Variants in NDUFAF2 observed in about 807,000 individuals in gnomAD.
NDUFAF2 encodes the protein NADH:ubiquinone oxidoreductase complex assembly factor 2, also known as NADH dehydrogenase [ubiquinone] 1 alpha subcomplex assembly factor 2.
Under a neutral mutation model 22.8 loss-of-function variants are expected in NDUFAF2, and 13 were observed. The observed-to-expected ratio is 0.57, with a 90% CI of 0.37 to 0.91. The LOEUF (loss-of-function observed/expected upper bound fraction) is 0.91, where lower values mean the gene tolerates loss of function less well. Among genes scored for constraint, NDUFAF2 ranks in the 40% least tolerant of loss-of-function variants. The pLI is 0.01. For synonymous variants in NDUFAF2, 53 were observed against 64.2 expected (o/e 0.83, Z 0.84); for missense variants, 162 against 195.2 (o/e 0.83, Z 1.01).
At chr5:61,001,329 T>C (rs1404551674) in intron 1 of NDUFAF2, among the ~76,000 whole-genome samples, 2 of 152,152 alleles carry the variant, frequency 1.3e-5, no homozygotes, top group Non-Finnish European at 2.9e-5. Flanking sequence ...TTTGCCTGTG[T>C]TTAAAAATGA....
intron 1 of NDUFAF2, among the ~76,000 whole-genome samples, chr5:61,069,478 C>T (rs943369403): frequency 3.3e-5 from 5 of 152,064 alleles, no homozygotes; most frequent in Non-Finnish European, 7.4e-5. Flanking sequence ...ACACAACTAG[C>T]ACATTAAGTC....
chr5:61,133,462 G>A (rs914883710), intron 3 of NDUFAF2, among the ~76,000 whole-genome samples: 4 of 152,136 alleles, frequency 2.6e-5, no homozygotes, highest in East Asian at 1.9e-4. Flanking sequence ...GTAGTAAACC[G>A]AGTCATTTTA....
chr5:60,972,992 C>G (rs182477826), intron 1 of NDUFAF2, among the ~76,000 whole-genome samples: 14 of 151,332 alleles, frequency 9.3e-5, no homozygotes, highest in Non-Finnish European at 1.9e-4. Context: ...GAGCTTATAC[C>G]CCTTTTCTTT....
chr5:60,964,849 C>T (rs996225520), intron 1 of NDUFAF2, among the ~76,000 whole-genome samples: 4 of 152,162 alleles, frequency 2.6e-5, no homozygotes, highest in Non-Finnish European at 5.9e-5. Flanking sequence ...AACATTTCCC[C>T]AATACCTACC....
chr5:61,034,063 G>T (rs1274665001), intron 1 of NDUFAF2, among the ~76,000 whole-genome samples: 1 of 152,140 alleles, frequency 6.6e-6, no homozygotes, highest in East Asian at 1.9e-4. Context: ...GCCAAGGAAG[G>T]CAGTGCTATA....
chr5:61,107,427 T>G (rs182410), intron 3 of NDUFAF2, among the ~76,000 whole-genome samples: 89,390 of 150,888 alleles, frequency 0.59, 27,859 homozygotes, highest in East Asian at 0.94. Context: ...CATGTTTTAA[T>G]CTGTTCATTA....
chr5:61,146,571 G>T lies in NDUFAF2; in HGVS notation c.259-6133G>T, dbSNP rs75929430. ...AAGTTGTTTCTGATGAGAACTCAGT[G>T]TTATTTCTTATCTTTGTCTTTTGTA... On this transcript the variant is annotated intron_variant, in intron 3 of 3. Coordinates refer to ENST00000296597, the MANE Select transcript of NDUFAF2 (RefSeq NM_174889.5). Among the ~76,000 whole-genome samples the T allele has an allele frequency of 8.6e-3, 1,316 of 152,212 alleles. 22 individuals are homozygous for T. The highest frequency in any genetic ancestry group is 0.03 in the African/African-American group (1,262 of 41,534).
At chr5:60,965,031 G>A (rs1750736399) in intron 1 of NDUFAF2, among the ~76,000 whole-genome samples, 1 of 147,066 alleles carries the variant, frequency 6.8e-6, no homozygotes. Flanking sequence ...CTAGGAAGAG[G>A]TTCCCAAACC....
chr5:61,127,474 G>A (rs2111807490), intron 3 of NDUFAF2, among the ~76,000 whole-genome samples: 1 of 152,202 alleles, frequency 6.6e-6, no homozygotes, highest in South Asian at 2.1e-4. Flanking sequence ...ATGCAAGGCT[G>A]GTTCAACATA....
chr5:61,021,038 A>G (rs1319945071), intron 1 of NDUFAF2, among the ~76,000 whole-genome samples: 2 of 141,054 alleles, frequency 1.4e-5, no homozygotes, highest in East Asian at 4.1e-4. Flanking sequence ...TTCCAAATAT[A>G]TTAGGAAACT....
intron 3 of NDUFAF2, among the ~76,000 whole-genome samples, chr5:61,144,023 T>C (rs1741096130): frequency 6.6e-6 from 1 of 151,412 alleles, no homozygotes; most frequent in Non-Finnish European, 1.5e-5. Context: ...ACCTGCCTTT[T>C]TTCTACCTGG....
chr5:61,060,675 C>T (rs556736245), intron 1 of NDUFAF2, among the ~76,000 whole-genome samples: 11 of 152,220 alleles, frequency 7.2e-5, no homozygotes, highest in Admixed American at 4.6e-4. Flanking sequence ...TCACTCAGCC[C>T]AGCCTCTCTT....
At chr5:60,990,493 A>T (rs1751144068) in intron 1 of NDUFAF2, among the ~76,000 whole-genome samples, 7 of 152,196 alleles carry the variant, frequency 4.6e-5, no homozygotes, top group Admixed American at 4.6e-4. Context: ...AGTAGAATAT[A>T]TAAATGTTAT....
In NDUFAF2 at chr5:61,018,639, T is replaced by G. The variant is rs114459833; in HGVS notation, c.128-54486T>G. ...TATTTATTCAATACCAGTTTACCAC[T>G]TAGAACATGAGATGTATTTATGCAT... On this transcript the variant is annotated intron_variant, in intron 1 of 3. Coordinates refer to ENST00000296597, the MANE Select transcript of NDUFAF2 (RefSeq NM_174889.5). 5.3e-3 allele frequency among the ~76,000 whole-genome samples: 803 copies of G among 152,256 alleles called. 10 individuals carry two copies. The highest frequency in any genetic ancestry group is 0.019 in the African/African-American group (775 of 41,574).
chr5:61,094,226 A>G (rs1256287869), intron 2 of NDUFAF2, among the ~76,000 whole-genome samples: 2 of 152,084 alleles, frequency 1.3e-5, no homozygotes, highest in East Asian at 3.8e-4. Flanking sequence ...GTCTTATTTC[A>G]GAAAGACCGT....
intron 1 of NDUFAF2, among the ~76,000 whole-genome samples, chr5:60,974,736 C>G (rs1253321397): frequency 6.6e-6 from 1 of 152,136 alleles, no homozygotes; most frequent in East Asian, 1.9e-4. Flanking sequence ...TTGGAATGTC[C>G]TTGTTTTTCA....
At chr5:61,065,332 A>G (rs2111720500) in intron 1 of NDUFAF2, among the ~76,000 whole-genome samples, 1 of 152,254 alleles carries the variant, frequency 6.6e-6, no homozygotes, top group African/African-American at 2.4e-5. Context: ...GCTTCAGAGA[A>G]TACTTCTAAG....
intron 2 of NDUFAF2, among the ~76,000 whole-genome samples, chr5:61,093,337 A>G (rs1399122153): frequency 6.6e-6 from 1 of 152,122 alleles, no homozygotes; most frequent in Non-Finnish European, 1.5e-5. Flanking sequence ...GACACTGAAT[A>G]TTAACCATCA....
chr5:60,966,646 TGTA>T (rs1323126077), intron 1 of NDUFAF2, among the ~76,000 whole-genome samples: 1 of 152,168 alleles, frequency 6.6e-6, no homozygotes, highest in Non-Finnish European at 1.5e-5. Flanking sequence ...TTGGCATCTT[TGTA>T]AAAAATCTAT....
Sources: gnomAD v4.1 joint callset for allele counts (sites outside exome capture counted in the v4.1 genomes callset) on GRCh38, gnomAD v4.1.1 for gene constraint, MANE v1.5 for transcripts, NCBI Gene and HGNC (gene_info 2026-07-23, HGNC 2026-07-21) for gene names.